Variants in CDK8 observed in about 807,000 individuals in gnomAD.
CDK8 encodes cyclin dependent kinase 8, also known as cyclin-dependent kinase 8.
Under a neutral mutation model 71.5 loss-of-function variants are expected in CDK8, and 29 were observed. The observed-to-expected ratio is 0.41, with a 90% CI of 0.30 to 0.55. The LOEUF is 0.55. Among genes scored for constraint, CDK8 ranks in the 20% least tolerant of loss-of-function variants. CDK8 has a pLI of 0.37. For synonymous variants in CDK8, 161 were observed against 192.1 expected, an observed-to-expected ratio of 0.84 and a Z score of 1.34; for missense variants, 288 against 572.6, an observed-to-expected ratio of 0.50 and a Z score of 5.07.
chr13:26,321,586 G>A (rs1033760832), intron 1 of CDK8, among the ~76,000 whole-genome samples: 3 of 152,232 alleles, frequency 2.0e-5, no homozygotes, highest in Admixed American at 6.5e-5. Flanking sequence ...GTGACAATGT[G>A]TGTAATAAGC....
At chr13:26,380,590 C>G (rs1196732949) in intron 4 of CDK8, among the ~76,000 whole-genome samples, 1 of 151,968 alleles carries the variant, frequency 6.6e-6, no homozygotes, top group Non-Finnish European at 1.5e-5. Flanking sequence ...CTCAAGCAAT[C>G]CTCTCACCTT....
intron 1 of CDK8, among the ~76,000 whole-genome samples, chr13:26,315,972 G>C (rs768599538): frequency 1.7e-4 from 26 of 152,190 alleles, no homozygotes; most frequent in Non-Finnish European, 3.5e-4. Context: ...GAAGTAAGTT[G>C]CAGTTAGTTT....
At chr13:26,292,635 A>G (rs765117782) in intron 1 of CDK8, among the ~76,000 whole-genome samples, 8 of 152,198 alleles carry the variant, frequency 5.3e-5, no homozygotes, top group Admixed American at 1.3e-4. Flanking sequence ...TTAGGTTGTT[A>G]TGTGCTCAGC....
At chr13:26,341,452 CA>C (rs1052957882) in intron 2 of CDK8, among the ~76,000 whole-genome samples, 1 of 152,088 alleles carries the variant, frequency 6.6e-6, no homozygotes, top group African/African-American at 2.4e-5. Flanking sequence ...TATCAATTTG[CA>C]AGAATTTGGT....
At chr13:26,377,724 A>C (rs1246037415) in intron 4 of CDK8, among the ~76,000 whole-genome samples, 1 of 152,194 alleles carries the variant, frequency 6.6e-6, no homozygotes, top group Non-Finnish European at 1.5e-5. Flanking sequence ...TTCCAGGTTT[A>C]TCTCTATCAC....
At position 26,266,411 on chromosome 13, in the gene CDK8, T is replaced by C. The variant is rs1466826210; in HGVS notation, c.128+11642T>C. 2.0e-5 allele frequency among the ~76,000 whole-genome samples: 3 copies of C among 151,858 alleles called. No individual in the cohort carries two copies. In the East Asian group the frequency reaches 5.8e-4, roughly 29 times the overall value. ...TCTACCTAGGAGGCCAAAAATTGAG[T>C]CTAGAAAGGAGAAAACCCAAGGTTG... On this transcript the variant is annotated intron_variant, in intron 1 of 12. Transcript: ENST00000381527.
chr13:26,277,148 TC>T (rs1235853284), intron 1 of CDK8, among the ~76,000 whole-genome samples: 1 of 152,232 alleles, frequency 6.6e-6, no homozygotes. Flanking sequence ...TTGTGCTAAT[TC>T]CTGTTGGTGT....
chr13:26,371,883 G>T (rs1277816008), intron 4 of CDK8, among the ~76,000 whole-genome samples: 1 of 152,102 alleles, frequency 6.6e-6, no homozygotes, highest in Non-Finnish European at 1.5e-5. Flanking sequence ...CTCCCAAAGT[G>T]CTGAGATTAC....
chr13:26,394,517 C>T (rs1217633123), intron 7 of CDK8, among the ~76,000 whole-genome samples: 4 of 152,156 alleles, frequency 2.6e-5, no homozygotes, highest in African/African-American at 9.6e-5. Flanking sequence ...TTTTTGCCCC[C>T]TTGGAGTTTG....
At chr13:26,266,316 T>C (rs1439188241) in intron 1 of CDK8, among the ~76,000 whole-genome samples, 1 of 152,082 alleles carries the variant, frequency 6.6e-6, no homozygotes, top group Non-Finnish European at 1.5e-5. Flanking sequence ...CTTTCAGTGG[T>C]GATGAAATTG....
intron 4 of CDK8, among the ~76,000 whole-genome samples, chr13:26,380,706 C>T (rs1156403358): frequency 6.6e-6 from 1 of 152,162 alleles, no homozygotes; most frequent in Non-Finnish European, 1.5e-5. Context: ...GCCTTGAGCT[C>T]CTGGACTCTG....
chr13:26,305,697 T>C (rs1180938933), intron 1 of CDK8, among the ~76,000 whole-genome samples: 1 of 152,222 alleles, frequency 6.6e-6, no homozygotes, highest in Non-Finnish European at 1.5e-5. Context: ...TTCCAGTTGA[T>C]TAATCATTTC....
chr13:26,256,817 G>A (rs1871544544), intron 1 of CDK8, among the ~76,000 whole-genome samples: 1 of 152,124 alleles, frequency 6.6e-6, no homozygotes, highest in Admixed American at 6.6e-5. Flanking sequence ...TTTTCCATCA[G>A]TCTTTAATGA....
intron 1 of CDK8, among the ~76,000 whole-genome samples, chr13:26,315,787 T>TA (rs969147594): frequency 4.6e-5 from 7 of 152,166 alleles, no homozygotes; most frequent in Admixed American, 1.3e-4. Context: ...TCATTATTAC[T>TA]AAAAAAATGC....
chr13:26,400,516 C>A lies in CDK8; in HGVS notation c.997C>A (p.Pro333Thr), dbSNP rs368431933. The A allele has an allele frequency of 3.1e-6, 5 of 1,612,840 alleles. No individual in the cohort carries two copies. Among genetic ancestry groups the A allele is most frequent in the Non-Finnish European group, 4.2e-6 (5 of 1,179,044 alleles). Residue 333 changes from proline to threonine, a missense_variant, in exon 10 of 13, where the codon CCC (proline) becomes ACC (threonine). Coordinates refer to ENST00000381527, the MANE Select transcript of CDK8 (RefSeq NM_001260.3). Reference sequence around the variant, plus strand: ...TACCTCAGAACAGGCTATGCAGGACCCCTATTTCTTAGAAGACCCACTTCC... The same window carrying A: ...TACCTCAGAACAGGCTATGCAGGACACCTATTTCTTAGAAGACCCACTTCC... ...RITSEQAMQD[P>T]YFLEDPLPTS... is the part of the protein sequence containing the mutation.
intron 1 of CDK8, among the ~76,000 whole-genome samples, chr13:26,268,514 C>T (rs940311695): frequency 2.0e-5 from 3 of 151,870 alleles, no homozygotes; most frequent in Non-Finnish European, 2.9e-5. Flanking sequence ...TGTAGTTTTG[C>T]CATGTTGCCC....
chr13:26,348,462 G>A (rs537244260), intron 2 of CDK8, among the ~76,000 whole-genome samples: 21 of 152,192 alleles, frequency 1.4e-4, no homozygotes, highest in Non-Finnish European at 2.5e-4. Flanking sequence ...CTGCGCATGT[G>A]AAGGATCTAG....
intron 1 of CDK8, among the ~76,000 whole-genome samples, chr13:26,332,914 A>G (rs1433140681): frequency 2.0e-5 from 3 of 152,164 alleles, no homozygotes; most frequent in African/African-American, 7.2e-5. Context: ...AGCACCTCTC[A>G]TCCAAAAGTC....
chr13:26,356,714 AT>A (rs1375812153), intron 4 of CDK8, among the ~76,000 whole-genome samples: 13 of 152,286 alleles, frequency 8.5e-5, no homozygotes, highest in African/African-American at 2.7e-4. Flanking sequence ...GTATGTAGTA[AT>A]ATGATATTAA....
Sources: gnomAD v4.1 joint callset for allele counts (sites outside exome capture counted in the v4.1 genomes callset) on GRCh38, gnomAD v4.1.1 for gene constraint, MANE v1.5 for transcripts, NCBI Gene and HGNC (gene_info 2026-07-23, HGNC 2026-07-21) for gene names.